The following CC2D2B variants were observed in gnomAD, a reference collection of about 807,000 sequenced individuals.
The protein encoded by CC2D2B is coiled-coil and C2 domain containing 2B.
Under a neutral mutation model 161.2 loss-of-function variants are expected in CC2D2B, and 128 were observed. That is an observed-to-expected ratio of 0.79 (90% CI 0.69 to 0.92). The LOEUF is 0.92. Among genes scored for constraint, CC2D2B ranks in the 40% least tolerant of loss-of-function variants. The pLI is 0.00. For synonymous variants in CC2D2B, 391 were observed against 449.8 expected (o/e 0.87, Z 1.65); for missense variants, 1,173 against 1,375.1 (o/e 0.85, Z 2.32).
At chr10:95,935,484 AT>A (rs58521001) in intron 6 of CC2D2B, among the ~76,000 whole-genome samples, 23,324 of 139,858 alleles carry the variant, frequency 0.17, 1,728 homozygotes, top group Middle Eastern at 0.27. Flanking sequence ...TCTAAGACAG[AT>A]TTTTTTTTTT....
rs549271528 is a variant in CC2D2B at position 95,946,445 on chromosome 10, C to T, written c.802-3451C>T. On this transcript the variant is annotated intron_variant, in intron 9 of 34. Transcript: ENST00000646931. ...CCAGTGCTGGATCTGCTTAACAAGACAGGATTCTCTAGCTTAGGAACTTTA... is the reference window on the plus strand; with the variant it reads ...CCAGTGCTGGATCTGCTTAACAAGATAGGATTCTCTAGCTTAGGAACTTTA... Among the ~76,000 whole-genome samples, 8 of 152,298 alleles carry T rather than the reference C, an allele frequency of 5.3e-5. No individual in the cohort carries two copies. In the South Asian group the frequency reaches 1.7e-3, roughly 32 times the overall value.
Position 95,999,302 on chromosome 10 carries a change from C to T in CC2D2B, c.2849+3050C>T, listed in dbSNP as rs573253869. Among the ~76,000 whole-genome samples, 168 of 152,276 alleles carry T rather than the reference C, an allele frequency of 1.1e-3. 1 individual carries two copies. The Middle Eastern group carries it at 0.021, about 19-fold the overall frequency. ...TCCATGTCTTTTTATAGCTTGATTG[C>T]TTACTTCTTTTTACCCCTGCATAAT... On this transcript the variant is annotated intron_variant, in intron 24 of 34. Transcript: ENST00000646931.
chr10:96,015,209 C>G (rs2079139962), intron 29 of CC2D2B, among the ~76,000 whole-genome samples: 1 of 151,100 alleles, frequency 6.6e-6, no homozygotes, highest in South Asian at 2.1e-4. Flanking sequence ...GAATTACAGG[C>G]ACGCACCACC....
chr10:96,007,500 C>T (rs987066756), intron 25 of CC2D2B, among the ~76,000 whole-genome samples: 2 of 152,140 alleles, frequency 1.3e-5, no homozygotes, highest in Admixed American at 6.6e-5. Flanking sequence ...TACAAAGCTA[C>T]CTAAGTGTGC....
intron 25 of CC2D2B, among the ~76,000 whole-genome samples, chr10:96,008,768 G>C (rs999119414): frequency 1.3e-5 from 2 of 151,872 alleles, no homozygotes; most frequent in African/African-American, 4.8e-5. Flanking sequence ...TTGAATTTTG[G>C]GAGTCCTTTG....
rs1416377479 is a variant in CC2D2B at position 95,966,171 on chromosome 10, T to C, written c.1354-19T>C. The C allele has an allele frequency of 2.0e-6, 2 of 981,422 alleles. No homozygotes were observed. The highest frequency in any genetic ancestry group is 2.6e-6 in the Non-Finnish European group (2 of 759,568). 60.8% of individuals were successfully genotyped at this position (981,422 alleles called of 1,614,324 possible). A position where few individuals can be genotyped will look rare whatever the true frequency, so the allele number is the denominator to read the frequency against. ...AGGGATGTACATGGCAAATCATATA[T>C]TTATTTTTTGATTTCTAGAGCCTCT... On this transcript the variant is annotated intron_variant, in intron 13 of 34. Coordinates refer to ENST00000646931, the MANE Select transcript of CC2D2B (RefSeq NM_001349008.3).
intron 19 of CC2D2B, among the ~76,000 whole-genome samples, chr10:95,986,747 C>T (rs1219695307): frequency 6.6e-6 from 1 of 151,858 alleles, no homozygotes; most frequent in African/African-American, 2.4e-5. Context: ...CAGGTGTGCG[C>T]TGTCATGCCT....
At position 95,988,302 on chromosome 10, in the gene CC2D2B, T is replaced by C. The variant is rs2077810693; in HGVS notation, c.2339T>C (p.Ile780Thr). 8.1e-7 allele frequency: 1 copy of C among 1,227,702 alleles called. No individual in the cohort carries two copies. Among genetic ancestry groups the C allele is most frequent in the South Asian group, 4.1e-5 (1 of 24,302 alleles). The allele number at this position is 1,227,702 out of a possible 1,614,324, so 76.1% of individuals were successfully genotyped here. Residue 780 changes from isoleucine to threonine, a missense_variant, in exon 20 of 35, where the codon ATT becomes ACT. Ile to Thr is a moderately conservative substitution (Grantham distance 89). Transcript: ENST00000646931. ...GTATCCGTTTCAGATGTAAATTCTATTACAGCACAAAGGATTAATTCTGCC... is the reference window on the plus strand; with the variant it reads ...GTATCCGTTTCAGATGTAAATTCTACTACAGCACAAAGGATTAATTCTGCC... Reference protein sequence around the residue: ...KEVSVSDVNSITAQRINSANF... With the variant: ...KEVSVSDVNSTTAQRINSANF...
At position 96,016,327 on chromosome 10, in the gene CC2D2B, G is replaced by A. The variant is rs990251509; in HGVS notation, c.3630+13G>A. 1.3e-6 allele frequency: 2 copies of A among 1,482,736 alleles called. No individual in the cohort carries two copies. Among genetic ancestry groups the A allele is most frequent in the Admixed American group, 3.3e-5 (2 of 59,800 alleles). The allele number at this position is 1,482,736 out of a possible 1,614,324, so 91.8% of individuals were successfully genotyped here. On this transcript the variant is annotated intron_variant, in intron 30 of 34. Coordinates refer to ENST00000646931, the MANE Select transcript of CC2D2B (RefSeq NM_001349008.3). Reference sequence around the variant, plus strand: ...GTCAGTGTTAGAAGTAAGTGCTGGAGTTCATATTGAAATAATGTAAGCAAA... The same window carrying A: ...GTCAGTGTTAGAAGTAAGTGCTGGAATTCATATTGAAATAATGTAAGCAAA...
chr10:95,927,707 T>TTTC (rs1286569387), intron 6 of CC2D2B, among the ~76,000 whole-genome samples: 2 of 134,794 alleles, frequency 1.5e-5, no homozygotes, highest in African/African-American at 5.3e-5. Context: ...TCTTTCTTTC[T>TTTC]TTTTTTTTTT....
intron 30 of CC2D2B, chr10:96,018,985 G>A (rs938901007): frequency 1.1e-5 from 4 of 375,054 alleles, no homozygotes; most frequent in East Asian, 4.8e-5. Flanking sequence ...AAAATTTTTT[G>A]TGATAGATAC....
rs373856927 is a variant in CC2D2B at position 96,019,316 on chromosome 10, T to C, written c.3744T>C (p.Asp1248=). ...FDPFCPLKSV[D]CLFDDRNVWF... ...CGTTTTGTCCCTTAAAAAGTGTAGA[T>C]TGTTTGTTTGATGATAGAAATGTAA... The change falls in exon 31 of 35, where the codon GAT becomes GAC. Residue 1248 remains aspartate, a synonymous_variant. Transcript: ENST00000646931. The C allele has an allele frequency of 2.9e-5, 46 of 1,610,014 alleles. No individual in the cohort carries two copies. The highest frequency in any genetic ancestry group is 3.6e-5 in the Non-Finnish European group (43 of 1,178,918).
In CC2D2B at chr10:95,924,531, A is replaced by G. The variant is rs775882817; in HGVS notation, c.174+141A>G. On this transcript the variant is annotated intron_variant, in intron 4 of 34. Coordinates refer to ENST00000646931, the MANE Select transcript of CC2D2B (RefSeq NM_001349008.3). Reference sequence around the variant, plus strand: ...TCCTAAAGTCTTCCTCTCTCTCTCTATATATATATTTTCCTTTTGTCTCAT... The same window carrying G: ...TCCTAAAGTCTTCCTCTCTCTCTCTGTATATATATTTTCCTTTTGTCTCAT... 8.7e-5 allele frequency: 51 copies of G among 582,908 alleles called. 1 individual carries two copies. The highest frequency in any genetic ancestry group is 5.6e-4 in the Admixed American group (17 of 30,512). The allele number at this position is 582,908 out of a possible 1,614,324, so 36.1% of individuals were successfully genotyped here. A position where few individuals can be genotyped will look rare whatever the true frequency, so the allele number is the denominator to read the frequency against.
In CC2D2B at chr10:95,996,170, T is replaced by G. The variant is rs913593354; in HGVS notation, c.2767T>G (p.Ser923Ala). 3.3e-6 allele frequency: 5 copies of G among 1,506,652 alleles called. No homozygotes were observed. The East Asian group carries it at 1.2e-4, about 37-fold the overall frequency. The allele number at this position is 1,506,652 out of a possible 1,614,324, so 93.3% of individuals were successfully genotyped here. ...EDTVHPFVEV[S>A]FQHTVYKTNT... ...TACTGTACATCCATTCGTGGAAGTT[T>G]CTTTCCAGCACACTGTATACAAAAC... Residue 923 changes from serine to alanine, a missense_variant, in exon 24 of 35, where the codon TCT (serine) becomes GCT (alanine). By Grantham distance (99) the Ser-to-Ala change is moderately conservative. Coordinates refer to ENST00000646931, the MANE Select transcript of CC2D2B (RefSeq NM_001349008.3).
rs532119264 is a variant in CC2D2B at position 95,991,642 on chromosome 10, C to G, written c.2471+181C>G. Among the ~76,000 whole-genome samples the G allele has an allele frequency of 2.0e-5, 3 of 152,230 alleles. No homozygotes were observed. In the South Asian group the frequency reaches 6.2e-4, roughly 32 times the overall value. Reference sequence around the variant, plus strand: ...AATTTAAAGTTGCATTTTGGGATCTCTACATGATATATTTTCAATTATATA... The same window carrying G: ...AATTTAAAGTTGCATTTTGGGATCTGTACATGATATATTTTCAATTATATA... On this transcript the variant is annotated intron_variant, in intron 21 of 34. Coordinates refer to ENST00000646931, the MANE Select transcript of CC2D2B (RefSeq NM_001349008.3).
Position 96,013,848 on chromosome 10 carries a change from G to T in CC2D2B, c.3487G>T (p.Asp1163Tyr). Residue 1163 changes from aspartate to tyrosine, a missense_variant, in exon 29 of 35, where the codon GAT (aspartate) becomes TAT (tyrosine). Asp to Tyr is a radical substitution (Grantham distance 160). This residue lies in a region of CC2D2B where 598 missense variants were observed against 693.2 expected (regional missense o/e 0.86). Transcript: ENST00000646931. ...PFVPNTPDEN[D>Y]GSDIWMTSEH... ...TGTGCCTAATACACCAGATGAAAAT[G>T]ATGGCTCTGATATATGGATGACATC... 1 of 1,595,238 alleles carries T rather than the reference G, an allele frequency of 6.3e-7. No individual in the cohort carries two copies.
In CC2D2B at chr10:95,990,253, GT is replaced by G. The variant is rs2077896619; in HGVS notation, c.2380-1115del. On this transcript the variant is annotated intron_variant, in intron 20 of 34. Coordinates refer to ENST00000646931, the MANE Select transcript of CC2D2B (RefSeq NM_001349008.3). ...AATAAAGTAGGAAGAGAGAACAGGA[GT>G]TCTGGGTGGAGGGGAGGGGTTGGGG... Among the ~76,000 whole-genome samples the G allele has an allele frequency of 3.3e-5, 5 of 152,274 alleles. No individual in the cohort carries two copies. The South Asian group carries it at 1.0e-3, about 32-fold the overall frequency.
chr10:95,947,429 C>G (rs1590524473), intron 9 of CC2D2B, among the ~76,000 whole-genome samples: 1 of 144,304 alleles, frequency 6.9e-6, no homozygotes, highest in East Asian at 2.1e-4. Context: ...CCTTTACTTT[C>G]TTAATAAACT....
At chr10:95,941,908 C>T (rs910199679) in intron 9 of CC2D2B, among the ~76,000 whole-genome samples, 1 of 152,174 alleles carries the variant, frequency 6.6e-6, no homozygotes, top group African/African-American at 2.4e-5. Flanking sequence ...TTCATTGCAG[C>T]ATTATTCACA....
Sources: allele counts gnomAD v4.1 joint callset (sites outside exome capture counted in the v4.1 genomes callset), GRCh38; gene constraint gnomAD v4.1.1; regional missense constraint gnomAD v4.1.1; transcripts MANE v1.5; gene names NCBI Gene and HGNC (gene_info 2026-07-23, HGNC 2026-07-21).